LRRC27: variants seen among roughly 807,000 people sequenced by gnomAD.
LRRC27 encodes leucine rich repeat containing 27.
In LRRC27, 57 loss-of-function variants were observed where a neutral mutation model predicts 55.0. The ratio of observed to expected loss-of-function variants is 1.04; its 90% confidence interval spans 0.84 to 1.29. LRRC27 has a LOEUF of 1.29. Among genes scored for constraint, LRRC27 ranks in the 50% most tolerant of loss-of-function variants. LRRC27 has a pLI of 0.00. For synonymous variants in LRRC27, 278 were observed against 251.9 expected (o/e 1.10, Z -0.98); for missense variants, 721 against 651.5 (o/e 1.11, Z -1.16).
chr10:132,351,621 C>A lies in LRRC27; in HGVS notation c.941C>A (p.Ser314Tyr). 2 of 1,613,652 alleles carry A rather than the reference C, an allele frequency of 1.2e-6. No homozygotes were observed. The highest frequency in any genetic ancestry group is 1.3e-5 in the African/African-American group (1 of 74,988). ...TGTAATTTTAGAAGGAAGACAGCCT[C>A]CTCCAGGAGCATCTTACCCGACCTC... Reference protein sequence around the residue: ...PRHVFRRKTASSRSILPDLLS... With the variant: ...PRHVFRRKTAYSRSILPDLLS... The change falls in exon 7 of 11, where the codon TCC becomes TAC. Residue 314 changes from serine (S) to tyrosine (Y), a missense_variant. Ser to Tyr is a moderately radical substitution (Grantham distance 144). Transcript: ENST00000368614.
chr10:132,349,102 G>A, intron 6 of LRRC27: 1 of 1,274,228 alleles, frequency 7.8e-7, no homozygotes. Flanking sequence ...TGTGGTGTGT[G>A]TGCCTGTGTG....
chr10:132,362,715 A>T (rs371937301), intron 9 of LRRC27, among the ~76,000 whole-genome samples: 93 of 4,122 alleles, frequency 0.023, no homozygotes, highest in African/African-American at 0.075. Context: ...ACCTCACAGC[A>T]GCTCGGGGGT....
chr10:132,363,465 G>C (rs982541805), intron 9 of LRRC27, among the ~76,000 whole-genome samples: 2 of 152,172 alleles, frequency 1.3e-5, no homozygotes, highest in Non-Finnish European at 2.9e-5. Flanking sequence ...ACACCTTCTT[G>C]TCCAGGCATT....
chr10:132,375,126 C>A lies in LRRC27; in HGVS notation c.1477C>A (p.Arg493Ser). ...ATTGGGATTAACCTTGAACAAAGAT[C>A]GTCGACGGGCGGCCCTCACTGGAAA... ...LKLGLTLNKD[R>S]RRAALTGNLS... Residue 493 changes from arginine to serine, a missense_variant, in exon 11 of 11, where the codon CGT becomes AGT. Coordinates refer to ENST00000368614, the MANE Select transcript of LRRC27 (RefSeq NM_030626.3). The A allele has an allele frequency of 6.2e-7, 1 of 1,614,034 alleles. No individual in the cohort carries two copies. Among genetic ancestry groups the A allele is most frequent in the Non-Finnish European group, 8.5e-7 (1 of 1,179,926 alleles).
rs1332680190 is a variant in LRRC27 at position 132,380,838 on chromosome 10, A to G, written c.*5596A>G. 6.6e-6 allele frequency among the ~76,000 whole-genome samples: 1 copy of G among 152,214 alleles called. No individual in the cohort carries two copies. Among genetic ancestry groups the G allele is most frequent in the African/African-American group, 2.4e-5 (1 of 41,440 alleles). ...TTGAATTTCTTGATATGTTCCGTAG[A>G]TTGAGGTTTACAGCTGCGGTTGCCT... On this transcript the variant is annotated 3_prime_UTR_variant, in exon 11 of 11. Coordinates refer to ENST00000368614, the MANE Select transcript of LRRC27 (RefSeq NM_030626.3).
At chr10:132,342,399 A>G in intron 4 of LRRC27, 128 bp downstream of exon 4, 1 of 635,894 alleles carries the variant, frequency 1.6e-6, no homozygotes, top group Non-Finnish European at 2.7e-6. Context: ...TCCTACTTCT[A>G]GGACCAAGAT....
chr10:132,337,453 GTA>G, intron 2 of LRRC27, 110 bp from the exon 3 acceptor site: 1 of 1,485,996 alleles, frequency 6.7e-7, no homozygotes. Context: ...TTTTAACTTA[GTA>G]TATACGGTTC....
chr10:132,342,351 A>T (rs1047894714), intron 4 of LRRC27, 80 bp downstream of exon 4: 5 of 896,280 alleles, frequency 5.6e-6, no homozygotes, highest in African/African-American at 3.4e-5. Context: ...AGTATCAGGC[A>T]TGACAAAGGA....
At chr10:132,343,740 A>T (rs2067536288) in intron 4 of LRRC27, among the ~76,000 whole-genome samples, 1 of 152,246 alleles carries the variant, frequency 6.6e-6, no homozygotes, top group Non-Finnish European at 1.5e-5. Flanking sequence ...GGACACCCAA[A>T]TACCCAAAAT....
chr10:132,354,425 G>A (rs902847539), intron 7 of LRRC27, among the ~76,000 whole-genome samples: 2 of 152,158 alleles, frequency 1.3e-5, no homozygotes, highest in African/African-American at 2.4e-5. Context: ...GGAGGCCCTC[G>A]TCCAGGAGCG....
intron 9 of LRRC27, among the ~76,000 whole-genome samples, chr10:132,362,815 C>T (rs1406073527): frequency 1.4e-4 from 21 of 146,910 alleles, no homozygotes; most frequent in Non-Finnish European, 3.0e-4. Context: ...GTCCGGGGTT[C>T]ACCCCTCTTA....
At chr10:132,353,505 T>C (rs974890242) in intron 7 of LRRC27, 21 of 779,310 alleles carry the variant, frequency 2.7e-5, no homozygotes, top group African/African-American at 5.6e-5. Context: ...AGAGAGACAT[T>C]GTAGTTGGTT....
chr10:132,377,987 C>T lies in LRRC27; in HGVS notation c.*2745C>T, dbSNP rs2069358828. 1 of 152,170 alleles carries T rather than the reference C, an allele frequency of 6.6e-6. No individual in the cohort carries two copies. Among genetic ancestry groups the T allele is most frequent in the Admixed American group, 6.5e-5 (1 of 15,284 alleles). The allele number at this position is 152,170 out of a possible 1,614,324, so 9.4% of individuals were successfully genotyped here. Reference sequence around the variant, plus strand: ...ACGAGGTCAGGAGATCGAGACCATCCTGGCTAACACGGTGAAACCCCGTCT... The same window carrying T: ...ACGAGGTCAGGAGATCGAGACCATCTTGGCTAACACGGTGAAACCCCGTCT... On this transcript the variant is annotated 3_prime_UTR_variant, in exon 11 of 11. Transcript: ENST00000368614.
chr10:132,365,819 G>A (rs1037232786), intron 10 of LRRC27, among the ~76,000 whole-genome samples: 10 of 152,130 alleles, frequency 6.6e-5, no homozygotes, highest in South Asian at 6.2e-4. Flanking sequence ...GCCTTGTCTC[G>A]AACTCCTGGC....
In LRRC27 at chr10:132,376,157, T is replaced by C. The variant is rs764380142; in HGVS notation, c.*915T>C. On this transcript the variant is annotated 3_prime_UTR_variant, in exon 11 of 11. Transcript: ENST00000368614. ...TCAGTATCTTTAGGATCCGTAATAA[T>C]GTCCCCTCTTTTATTCTTGACCTGG... is the stretch of plus-strand genomic sequence containing the variant. 1.3e-5 allele frequency: 2 copies of C among 152,246 alleles called. No individual in the cohort carries two copies. Among genetic ancestry groups the C allele is most frequent in the Non-Finnish European group, 2.9e-5 (2 of 68,048 alleles). 9.4% of individuals were successfully genotyped at this position (152,246 alleles called of 1,614,324 possible). A position where few individuals can be genotyped will look rare whatever the true frequency, so the allele number is the denominator to read the frequency against.
At position 132,370,334 on chromosome 10, in the gene LRRC27, A is replaced by G. The variant is rs564661088; in HGVS notation, c.1417-4732A>G. Among the ~76,000 whole-genome samples, 6 of 152,204 alleles carry G rather than the reference A, an allele frequency of 3.9e-5. No individual in the cohort carries two copies. In the South Asian group the frequency reaches 1.2e-3, roughly 32 times the overall value. ...GATCCAGGGAGGGATGTGCTATGTC[A>G]CCCTGCCCAGGAGACAGGGACATAA... On this transcript the variant is annotated intron_variant, in intron 10 of 10. Coordinates refer to ENST00000368614, the MANE Select transcript of LRRC27 (RefSeq NM_030626.3).
intron 10 of LRRC27, 63 bp downstream of exon 10, chr10:132,365,613 T>C: frequency 6.4e-7 from 1 of 1,568,794 alleles, no homozygotes; most frequent in Non-Finnish European, 8.6e-7. Flanking sequence ...TTTGTTTTTG[T>C]TTTTTTGAGA....
chr10:132,356,782 G>A (rs1012085735), intron 8 of LRRC27, among the ~76,000 whole-genome samples: 2 of 152,270 alleles, frequency 1.3e-5, no homozygotes, highest in African/African-American at 2.4e-5. Context: ...GGTGGGAGCC[G>A]GTGGCTCCTC....
chr10:132,338,048 G>C (rs1443833333), intron 3 of LRRC27, among the ~76,000 whole-genome samples: 1 of 152,222 alleles, frequency 6.6e-6, no homozygotes, highest in Non-Finnish European at 1.5e-5. Flanking sequence ...AGGCGCGGTG[G>C]CTCACGCGTG....
Sources: gnomAD v4.1 joint callset for allele counts (sites outside exome capture counted in the v4.1 genomes callset) on GRCh38, gnomAD v4.1.1 for gene constraint, MANE v1.5 for transcripts, NCBI Gene and HGNC (gene_info 2026-07-23, HGNC 2026-07-21) for gene names.